Variants in CDH10 observed in about 807,000 individuals in gnomAD.
The protein encoded by CDH10 is cadherin-10.
Under a neutral mutation model 73.1 loss-of-function variants are expected in CDH10, and 30 were observed. That is an observed-to-expected ratio of 0.41 (90% CI 0.31 to 0.56). The LOEUF (loss-of-function observed/expected upper bound fraction) is 0.56, where lower values mean the gene tolerates loss of function less well. CDH10 is among the 20% of genes least tolerant of loss of function. The pLI is 0.27. For synonymous variants in CDH10, 345 were observed against 348.2 expected (o/e 0.99, Z 0.10); for missense variants, 815 against 973.7 (o/e 0.84, Z 2.17).
At chr5:24,626,829 T>A (rs956507364) in intron 1 of CDH10, among the ~76,000 whole-genome samples, 1 of 148,468 alleles carries the variant, frequency 6.7e-6, no homozygotes, top group African/African-American at 2.5e-5. Context: ...TAAGTACATA[T>A]ATATAAGTGT....
chr5:24,578,698 T>C (rs1466233561), intron 2 of CDH10: 1 of 152,564 alleles, frequency 6.6e-6, no homozygotes, highest in African/African-American at 2.4e-5. Context: ...AGCTCATTTT[T>C]TTCTACAACA....
intron 2 of CDH10, among the ~76,000 whole-genome samples, chr5:24,574,224 T>C (rs1353247237): frequency 7.2e-5 from 11 of 152,130 alleles, no homozygotes; most frequent in South Asian, 4.1e-4. Flanking sequence ...CATGCTAGCT[T>C]TGCAGTCCTC....
chr5:24,514,409 C>G (rs892534693), intron 5 of CDH10, among the ~76,000 whole-genome samples: 35 of 152,132 alleles, frequency 2.3e-4, no homozygotes, highest in African/African-American at 8.4e-4. Flanking sequence ...CTTTTCCTAC[C>G]TCAACACTTT....
At chr5:24,492,360 G>C (rs905546130) in intron 10 of CDH10, among the ~76,000 whole-genome samples, 2 of 152,144 alleles carry the variant, frequency 1.3e-5, no homozygotes, top group African/African-American at 4.8e-5. Context: ...TCTTGCCATT[G>C]CAACAGTACC....
chr5:24,636,451 G>C lies in CDH10; in HGVS notation c.-124+8143C>G, dbSNP rs115672850. On this transcript the variant is annotated intron_variant, in intron 1 of 11. Coordinates refer to ENST00000264463, the MANE Select transcript of CDH10 (RefSeq NM_006727.5). Reference sequence around the variant, plus strand: ...CACTGTGCAGTCTCCTATTAAACATGACCTTCCTCTGGTGTCCTCACAAAA... The same window carrying C: ...CACTGTGCAGTCTCCTATTAAACATCACCTTCCTCTGGTGTCCTCACAAAA... Among the ~76,000 whole-genome samples, 348 of 152,004 alleles carry C rather than the reference G, an allele frequency of 2.3e-3. 1 individual carries two copies. Among genetic ancestry groups the C allele is most frequent in the African/African-American group, 8.0e-3 (332 of 41,506 alleles).
At chr5:24,519,342 T>G (rs796752994) in intron 5 of CDH10, among the ~76,000 whole-genome samples, 4 of 113,436 alleles carry the variant, frequency 3.5e-5, no homozygotes, top group African/African-American at 1.3e-4. Context: ...AAGGGATTTC[T>G]AAAACAACAA....
chr5:24,550,333 C>G (rs1183353637), intron 2 of CDH10, among the ~76,000 whole-genome samples: 1 of 151,970 alleles, frequency 6.6e-6, no homozygotes, highest in Non-Finnish European at 1.5e-5. Flanking sequence ...TTGACCCCAC[C>G]ACCTTCACCC....
intron 2 of CDH10, among the ~76,000 whole-genome samples, chr5:24,552,667 A>G (rs1169666543): frequency 6.6e-6 from 1 of 151,834 alleles, no homozygotes; most frequent in Non-Finnish European, 1.5e-5. Flanking sequence ...CTATTTCTCC[A>G]CCCCTCAATG....
chr5:24,614,447 G>C (rs1747063715), intron 1 of CDH10, among the ~76,000 whole-genome samples: 1 of 152,076 alleles, frequency 6.6e-6, no homozygotes, highest in Admixed American at 6.6e-5. Context: ...ACACTAATTG[G>C]GTGCAGATTT....
intron 1 of CDH10, among the ~76,000 whole-genome samples, chr5:24,634,412 A>G (rs1054437761): frequency 2.0e-5 from 3 of 151,838 alleles, no homozygotes; most frequent in Admixed American, 6.6e-5. Context: ...GATCAATTAT[A>G]CTAAATGTAA....
chr5:24,569,766 C>CTT (rs112375331), intron 2 of CDH10, among the ~76,000 whole-genome samples: 32 of 142,382 alleles, frequency 2.2e-4, no homozygotes, highest in African/African-American at 5.4e-4. Context: ...CAAATGTGTG[C>CTT]TTTTTTTTTT....
chr5:24,532,740 TG>T (rs1407534456), intron 5 of CDH10, among the ~76,000 whole-genome samples: 1 of 152,114 alleles, frequency 6.6e-6, no homozygotes, highest in Non-Finnish European at 1.5e-5. Flanking sequence ...TTCAAATAAA[TG>T]TCTCTTGCTT....
rs1003091993 is a variant in CDH10 at position 24,533,880 on chromosome 5, G to A, written c.814+1232C>T. ...AGTTCTGGAGCCCAGCACCACAGCA[G>A]CAGACCTGATGGGCATACGTTAAAT... On this transcript the variant is annotated intron_variant, in intron 5 of 11. Transcript: ENST00000264463. Among the ~76,000 whole-genome samples, 50 of 152,048 alleles carry A rather than the reference G, an allele frequency of 3.3e-4. 1 individual carries two copies. The highest frequency in any genetic ancestry group is 5.9e-5 in the Non-Finnish European group (4 of 68,004).
intron 1 of CDH10, among the ~76,000 whole-genome samples, chr5:24,618,832 C>G (rs1398300050): frequency 1.3e-5 from 2 of 152,094 alleles, no homozygotes; most frequent in Non-Finnish European, 2.9e-5. Context: ...TTATTTTATA[C>G]TGGTATTAAA....
intron 2 of CDH10, among the ~76,000 whole-genome samples, chr5:24,553,550 C>T (rs1020675623): frequency 6.6e-6 from 1 of 152,042 alleles, no homozygotes; most frequent in Admixed American, 6.6e-5. Context: ...TCTCCAAGCC[C>T]TCTATTGAAA....
At chr5:24,547,940 G>A (rs1402264515) in intron 2 of CDH10, among the ~76,000 whole-genome samples, 1 of 152,142 alleles carries the variant, frequency 6.6e-6, no homozygotes, top group Admixed American at 6.5e-5. Context: ...GGTGACTTCT[G>A]TCAATTGTTG....
intron 1 of CDH10, among the ~76,000 whole-genome samples, chr5:24,611,266 T>C (rs572051759): frequency 1.2e-4 from 18 of 152,244 alleles, no homozygotes; most frequent in Middle Eastern, 3.4e-3. Context: ...TAACATAATA[T>C]AGCTTGTAAC....
chr5:24,643,426 A>G (rs1454818704), intron 1 of CDH10, among the ~76,000 whole-genome samples: 2 of 140,004 alleles, frequency 1.4e-5, no homozygotes, highest in Non-Finnish European at 3.4e-5. Flanking sequence ...AAAGGAAGAT[A>G]GAGAGGGGGA....
chr5:24,498,099 T>G (rs1742357397), intron 9 of CDH10, among the ~76,000 whole-genome samples: 1 of 152,224 alleles, frequency 6.6e-6, no homozygotes, highest in Non-Finnish European at 1.5e-5. Context: ...TCTTAGGGGT[T>G]TGCTTGTCTT....
Sources: gnomAD v4.1 joint callset for allele counts (sites outside exome capture counted in the v4.1 genomes callset) on GRCh38, gnomAD v4.1.1 for gene constraint, MANE v1.5 for transcripts, NCBI Gene and HGNC (gene_info 2026-07-23, HGNC 2026-07-21) for gene names.